Variants in CEP68 observed in about 807,000 individuals in gnomAD.
CEP68 encodes the protein centrosomal protein of 68 kDa.
Under a neutral mutation model 55.3 loss-of-function variants are expected in CEP68, and 26 were observed. The observed-to-expected ratio is 0.47, with a 90% confidence interval of 0.34 to 0.65. The LOEUF is 0.65. Among genes scored for constraint, CEP68 ranks in the 30% least tolerant of loss-of-function variants. The pLI is 0.01. For missense variants in CEP68, 957 were observed against 946.7 expected, an observed-to-expected ratio of 1.01 and a Z score of -0.14; for synonymous variants, 402 against 383.2, an observed-to-expected ratio of 1.05 and a Z score of -0.57.
In CEP68 at chr2:65,084,536, ACT is replaced by A. The variant is rs2103809435; in HGVS notation, c.*903_*904del. 2.6e-5 allele frequency: 4 copies of A among 151,342 alleles called. No homozygotes were observed. The highest frequency in any genetic ancestry group is 2.4e-5 in the African/African-American group (1 of 41,236). 9.4% of individuals were successfully genotyped at this position (151,342 alleles called of 1,614,324 possible). ...AGTACTTTGATTAAAAAAAAAAAAA[ACT>A]ATGGATCAACCATTCAAAGCATCAA... On this transcript the variant is annotated 3_prime_UTR_variant, in exon 7 of 7. Transcript: ENST00000377990.
At chr2:65,075,518 G>C (rs567783422) in intron 4 of CEP68, among the ~76,000 whole-genome samples, 2 of 152,172 alleles carry the variant, frequency 1.3e-5, no homozygotes, top group Non-Finnish European at 2.9e-5. Flanking sequence ...TACTAATGTG[G>C]ATTTTTGTTA....
In CEP68 at chr2:65,069,790, G is replaced by T. The variant is rs528296468; in HGVS notation, c.346G>T (p.Gly116Trp). The T allele has an allele frequency of 1.2e-6, 2 of 1,613,596 alleles. No homozygotes were observed. Among genetic ancestry groups the T allele is most frequent in the Non-Finnish European group, 1.7e-6 (2 of 1,179,840 alleles). ...TMGSGDLLLS[G>W]ESQVEKTKLS... ...GGGGTCTGGAGACCTTCTGCTCTCC[G>T]GGGAAAGCCAGGTAGGTACTAAGGC... Residue 116 changes from glycine (G) to tryptophan (W), a missense_variant, in exon 2 of 7, where the codon GGG (glycine) becomes TGG (tryptophan). Transcript: ENST00000377990.
In CEP68 at chr2:65,086,933, A is replaced by ATCTT. The variant is rs1669045571; in HGVS notation, c.*3300_*3303dup. The ATCTT allele has an allele frequency of 6.6e-6, 1 of 152,650 alleles. No individual in the cohort carries two copies. Among genetic ancestry groups the ATCTT allele is most frequent in the African/African-American group, 2.4e-5 (1 of 41,464 alleles). 9.5% of individuals were successfully genotyped at this position (152,650 alleles called of 1,614,324 possible). A position where few individuals can be genotyped will look rare whatever the true frequency, so the allele number is the denominator to read the frequency against. On this transcript the variant is annotated 3_prime_UTR_variant, in exon 7 of 7. Coordinates refer to ENST00000377990, the MANE Select transcript of CEP68 (RefSeq NM_015147.3). ...ATTCTGTCCATTTCATTTTACAATT[A>ATCTT]TCTTACCACTTATTTTTGTACCATG...
chr2:65,069,724 A>G lies in CEP68; in HGVS notation c.280A>G (p.Arg94Gly). ...TGCCAACAGAGAGCCCGTAGCTGAG[A>G]GGTCTGAGCCTGCACTCAGTGGCCT... ...SDANREPVAE[R>G]SEPALSGLPP... is the part of the protein sequence containing the mutation. Residue 94 changes from arginine (R) to glycine (G), a missense_variant, in exon 2 of 7, where the codon AGG becomes GGG. By Grantham distance (125) the Arg-to-Gly change is moderately radical. Coordinates refer to ENST00000377990, the MANE Select transcript of CEP68 (RefSeq NM_015147.3). 6.2e-7 allele frequency: 1 copy of G among 1,614,102 alleles called. No homozygotes were observed. The highest frequency in any genetic ancestry group is 1.3e-5 in the African/African-American group (1 of 75,050).
chr2:65,057,675 C>T (rs1675700281), intron 1 of CEP68, among the ~76,000 whole-genome samples: 1 of 152,180 alleles, frequency 6.6e-6, no homozygotes, highest in South Asian at 2.1e-4. Context: ...CAAAAGGAAA[C>T]AAAATCAGCG....
In CEP68 at chr2:65,072,541, A is replaced by C. The variant is rs1676537208; in HGVS notation, c.1445A>C (p.Tyr482Ser). Residue 482 changes from tyrosine (Y) to serine (S), a missense_variant, in exon 3 of 7, where the codon TAT becomes TCT. Transcript: ENST00000377990. The part of the protein sequence containing the change: ...SEEEVESDDE[Y>S]LALPARLTQV... ...GAGGAAGTGGAAAGTGATGACGAGT[A>C]TCTTGCCCTCCCCGCTCGGCTGACA... is the stretch of plus-strand genomic sequence containing the variant. 6.2e-7 allele frequency: 1 copy of C among 1,614,082 alleles called. No homozygotes were observed. Among genetic ancestry groups the C allele is most frequent in the Non-Finnish European group, 8.5e-7 (1 of 1,180,006 alleles).
rs551803442 is a variant in CEP68 at position 65,086,193 on chromosome 2, A to C, written c.*2559A>C. ...ATTCAATCCAAGGTCGAAGAATAGG[A>C]AATTACTGCTCAGACCACAATGACT... On this transcript the variant is annotated 3_prime_UTR_variant, in exon 7 of 7. Transcript: ENST00000377990. The C allele has an allele frequency of 6.6e-6, 1 of 152,338 alleles. No homozygotes were observed. The highest frequency in any genetic ancestry group is 2.1e-4 in the South Asian group (1 of 4,830). The allele number at this position is 152,338 out of a possible 1,614,324, so 9.4% of individuals were successfully genotyped here. A position where few individuals can be genotyped will look rare whatever the true frequency, so the allele number is the denominator to read the frequency against.
At chr2:65,057,234 C>A (rs1004003925) in intron 1 of CEP68, among the ~76,000 whole-genome samples, 1 of 152,196 alleles carries the variant, frequency 6.6e-6, no homozygotes, top group African/African-American at 2.4e-5. Flanking sequence ...TTGGACCTCA[C>A]TGGGAATTCA....
At chr2:65,078,707 A>ATT (rs199572111) in intron 5 of CEP68, among the ~76,000 whole-genome samples, 1 of 151,690 alleles carries the variant, frequency 6.6e-6, no homozygotes, top group African/African-American at 2.4e-5. Context: ...ATGCCCGGCT[A>ATT]TTTTTTTTGT....
chr2:65,082,700 G>A lies in CEP68; in HGVS notation c.2269G>A (p.Val757Ile), dbSNP rs373667566. 3 of 1,567,520 alleles carry A rather than the reference G, an allele frequency of 1.9e-6. No homozygotes were observed. Among genetic ancestry groups the A allele is most frequent in the African/African-American group, 2.8e-5 (2 of 71,996 alleles). ...MAAMEHPCEG[V>I] is the part of the protein sequence containing the mutation. ...GGCAATGGAGCACCCATGTGAAGGGGTTTAACCTGGTAAGTGGAGGAACTC... is the reference window on the plus strand; with the variant it reads ...GGCAATGGAGCACCCATGTGAAGGGATTTAACCTGGTAAGTGGAGGAACTC... Residue 757 changes from valine to isoleucine, a missense_variant, in exon 6 of 7, where the codon GTT (valine) becomes ATT (isoleucine). Transcript: ENST00000377990.
intron 5 of CEP68, chr2:65,080,687 G>A (rs1018569795): frequency 3.7e-5 from 12 of 324,652 alleles, no homozygotes; most frequent in Middle Eastern, 1.5e-3. Context: ...GCATGGTGGC[G>A]GGCGCCTGTA....
At position 65,071,438 on chromosome 2, in the gene CEP68, C is replaced by T. The variant is rs1289027720; in HGVS notation, c.358-16C>T. The T allele has an allele frequency of 6.2e-7, 1 of 1,602,254 alleles. No homozygotes were observed. The highest frequency in any genetic ancestry group is 1.3e-5 in the African/African-American group (1 of 74,506). On this transcript the variant is annotated splice_polypyrimidine_tract_variant and intron_variant, in intron 2 of 6. Coordinates refer to ENST00000377990, the MANE Select transcript of CEP68 (RefSeq NM_015147.3). ...GATTTTTACCCAAGTGCTTTTTGTC[C>T]CTTTGATCATTGCAGGTGGAGAAGA...
chr2:65,058,300 G>A (rs907094857), intron 1 of CEP68, among the ~76,000 whole-genome samples: 1 of 151,822 alleles, frequency 6.6e-6, no homozygotes, highest in Non-Finnish European at 1.5e-5. Flanking sequence ...CAACCTCCTG[G>A]GGTCGAGTCC....
chr2:65,075,515 G>A (rs1012340627), intron 4 of CEP68, among the ~76,000 whole-genome samples: 9 of 152,206 alleles, frequency 5.9e-5, no homozygotes, highest in African/African-American at 2.2e-4. Context: ...AAATACTAAT[G>A]TGGATTTTTG....
chr2:65,069,813 G>T lies in CEP68; in HGVS notation c.357+12G>T, dbSNP rs369827879. The stretch of plus-strand genomic sequence containing the variant: ...CCGGGGAAAGCCAGGTAGGTACTAA[G>T]GCAAGACTGTAGATGGACCCATTGC... On this transcript the variant is annotated intron_variant, in intron 2 of 6. Coordinates refer to ENST00000377990, the MANE Select transcript of CEP68 (RefSeq NM_015147.3). The T allele has an allele frequency of 1.2e-5, 19 of 1,607,990 alleles. No individual in the cohort carries two copies. The highest frequency in any genetic ancestry group is 1.6e-5 in the Non-Finnish European group (19 of 1,175,056).
In CEP68 at chr2:65,082,528, A is replaced by G. The variant is rs761949542; in HGVS notation, c.2105-8A>G. 13 of 1,524,928 alleles carry G rather than the reference A, an allele frequency of 8.5e-6. No homozygotes were observed. The Admixed American group carries it at 3.0e-4, about 35-fold the overall frequency. 94.5% of individuals were successfully genotyped at this position (1,524,928 alleles called of 1,614,324 possible). A position where few individuals can be genotyped will look rare whatever the true frequency, so the allele number is the denominator to read the frequency against. ...TTCTGGTTTAATTTCTTTGAACCTCATTGTTAGTTTTAGAGGATGTCCTTG... is the reference window on the plus strand; with the variant it reads ...TTCTGGTTTAATTTCTTTGAACCTCGTTGTTAGTTTTAGAGGATGTCCTTG... On this transcript the variant is annotated splice_region_variant and splice_polypyrimidine_tract_variant and intron_variant, in intron 5 of 6. Transcript: ENST00000377990.
chr2:65,082,507 G>T (rs543825974), intron 5 of CEP68, 29 bp from the exon 6 acceptor site: 3 of 1,498,964 alleles, frequency 2.0e-6, no homozygotes, highest in Non-Finnish European at 1.8e-6. Flanking sequence ...TTTTATTTCT[G>T]GTTTAATTTC....
In CEP68 at chr2:65,064,926, C is replaced by A. The variant is rs1377825543; in HGVS notation, c.-46-4473C>A. Among the ~76,000 whole-genome samples the A allele has an allele frequency of 6.6e-5, 10 of 152,282 alleles. No homozygotes were observed. In the East Asian group the frequency reaches 1.9e-3, roughly 29 times the overall value. On this transcript the variant is annotated intron_variant, in intron 1 of 6. Transcript: ENST00000377990. ...AGGTGAGGATGTGGCTCCGTAAGATCTCTGTCTCAGCAAGATTTGTCACTC... is the reference window on the plus strand; with the variant it reads ...AGGTGAGGATGTGGCTCCGTAAGATATCTGTCTCAGCAAGATTTGTCACTC...
intron 1 of CEP68, among the ~76,000 whole-genome samples, chr2:65,056,811 T>G (rs1033852666): frequency 6.6e-6 from 1 of 152,016 alleles, no homozygotes; most frequent in African/African-American, 2.4e-5. Flanking sequence ...CGGCTGGGCT[T>G]GGGAATGCCC....
Sources: allele counts gnomAD v4.1 joint callset (sites outside exome capture counted in the v4.1 genomes callset), GRCh38; gene constraint gnomAD v4.1.1; transcripts MANE v1.5; gene names NCBI Gene and HGNC (gene_info 2026-07-23, HGNC 2026-07-21).